Variants in VAV3 observed in about 807,000 individuals in gnomAD.
VAV3 encodes vav guanine nucleotide exchange factor 3.
VAV3 carries 94 observed loss-of-function variants against 131.2 expected under a neutral mutation model. The ratio of observed to expected loss-of-function variants is 0.72; its 90% CI spans 0.61 to 0.85. The LOEUF is 0.85. Ranked by LOEUF, VAV3 falls within the 40% of genes least tolerant of loss-of-function variation. The pLI is 0.00. For synonymous variants in VAV3, 349 were observed against 342.0 expected (o/e 1.02, Z -0.22); for missense variants, 939 against 1,002.7 (o/e 0.94, Z 0.86).
intron 19 of VAV3, among the ~76,000 whole-genome samples, chr1:107,681,654 CTTTTTT>C (rs66909735): frequency 7.8e-6 from 1 of 127,408 alleles, no homozygotes; most frequent in Admixed American, 7.7e-5. Context: ...TAATGGAAAA[CTTTTTT>C]TTTTTTTTTT....
Position 107,720,546 on chromosome 1 carries a change from C to T in VAV3, c.1503-15485G>A, listed in dbSNP as rs1217369637. ...ATACAAAATTAGCCAGGTGGGGTGG[C>T]GCATGCCTATAATCCCAGCTACTCG... On this transcript the variant is annotated intron_variant, in intron 15 of 26. Coordinates refer to ENST00000370056, the MANE Select transcript of VAV3 (RefSeq NM_006113.5). 4.0e-5 allele frequency among the ~76,000 whole-genome samples: 6 copies of T among 150,884 alleles called. 1 individual carries two copies. Among genetic ancestry groups the T allele is most frequent in the South Asian group, 4.2e-4 (2 of 4,786 alleles).
intron 2 of VAV3, among the ~76,000 whole-genome samples, chr1:107,825,229 G>A (rs1667960548): frequency 6.6e-6 from 1 of 152,094 alleles, no homozygotes; most frequent in Non-Finnish European, 1.5e-5. Flanking sequence ...TATGCAAACA[G>A]GGGCTGCCAC....
At chr1:107,726,854 A>G (rs1482600690) in intron 15 of VAV3, among the ~76,000 whole-genome samples, 15 of 152,258 alleles carry the variant, frequency 9.9e-5, no homozygotes, top group African/African-American at 3.1e-4. Flanking sequence ...CAAAGTTTAA[A>G]GCATGTCATC....
At chr1:107,930,538 T>C (rs568411590) in intron 1 of VAV3, among the ~76,000 whole-genome samples, 262 of 152,262 alleles carry the variant, frequency 1.7e-3, no homozygotes, top group African/African-American at 6.1e-3. Context: ...GCCCTTCCCA[T>C]ATGTATTACA....
intron 15 of VAV3, among the ~76,000 whole-genome samples, chr1:107,717,544 G>A (rs982263352): frequency 1.3e-5 from 2 of 152,124 alleles, no homozygotes; most frequent in Admixed American, 6.5e-5. Context: ...GTAGTTGTGC[G>A]GTTTTGAGTG....
At chr1:107,641,648 C>A (rs4914952) in intron 20 of VAV3, among the ~76,000 whole-genome samples, 58,122 of 151,938 alleles carry the variant, frequency 0.38, 11,611 homozygotes, top group East Asian at 0.48. Context: ...ATGAATAATG[C>A]CCAGAGCACC....
chr1:107,656,379 G>A (rs74817473), intron 19 of VAV3, among the ~76,000 whole-genome samples: 20,620 of 152,116 alleles, frequency 0.14, 1,497 homozygotes, highest in Non-Finnish European at 0.16. Flanking sequence ...GACAAATATT[G>A]CATGTTCTCC....
chr1:107,758,505 T>C (rs1664239490), intron 10 of VAV3, among the ~76,000 whole-genome samples: 1 of 152,112 alleles, frequency 6.6e-6, no homozygotes, highest in Non-Finnish European at 1.5e-5. Context: ...CCAACTGCAG[T>C]GAGCCATGAC....
intron 25 of VAV3, chr1:107,578,983 T>G (rs980341213): frequency 1.1e-6 from 1 of 879,030 alleles, no homozygotes; most frequent in South Asian, 5.2e-5. Flanking sequence ...ATAACCTATC[T>G]GTAATCTTAA....
intron 2 of VAV3, among the ~76,000 whole-genome samples, chr1:107,853,849 A>G (rs1029159474): frequency 6.6e-6 from 1 of 152,222 alleles, no homozygotes; most frequent in Non-Finnish European, 1.5e-5. Context: ...TAACTAAAGA[A>G]TATTCCACAG....
intron 20 of VAV3, among the ~76,000 whole-genome samples, chr1:107,633,670 A>G (rs1654684299): frequency 6.6e-6 from 1 of 152,102 alleles, no homozygotes; most frequent in African/African-American, 2.4e-5. Flanking sequence ...AAAAGCGGCA[A>G]AAGTAATTCT....
intron 24 of VAV3, among the ~76,000 whole-genome samples, chr1:107,598,701 G>A (rs527260667): frequency 1.1e-3 from 174 of 152,106 alleles, no homozygotes; most frequent in African/African-American, 4.2e-3. Context: ...ATTTTAACAT[G>A]TTTTGCGCAG....
At chr1:107,904,006 T>C (rs1285698706) in intron 1 of VAV3, among the ~76,000 whole-genome samples, 8 of 152,148 alleles carry the variant, frequency 5.3e-5, no homozygotes, top group South Asian at 2.1e-4. Flanking sequence ...GGTCTCTCTG[T>C]CCTTGGCTTC....
At chr1:107,939,749 G>A (rs544856613) in intron 1 of VAV3, among the ~76,000 whole-genome samples, 28 of 152,244 alleles carry the variant, frequency 1.8e-4, no homozygotes, top group Middle Eastern at 3.4e-3. Context: ...AGTTGGTGAA[G>A]TGATCCTGAG....
intron 15 of VAV3, among the ~76,000 whole-genome samples, chr1:107,717,635 G>A (rs1661191976): frequency 6.6e-6 from 1 of 152,164 alleles, no homozygotes; most frequent in Admixed American, 6.5e-5. Context: ...TTTTACATTT[G>A]CTGAGGAGTG....
chr1:107,586,959 G>A (rs1411873327), intron 25 of VAV3, among the ~76,000 whole-genome samples: 2 of 152,040 alleles, frequency 1.3e-5, no homozygotes, highest in African/African-American at 2.4e-5. Context: ...TGAACATAAA[G>A]TCCCTTGAGT....
At chr1:107,656,212 C>G (rs533831074) in intron 19 of VAV3, among the ~76,000 whole-genome samples, 79 of 152,228 alleles carry the variant, frequency 5.2e-4, no homozygotes, top group African/African-American at 1.7e-3. Flanking sequence ...AAGTGTCCAT[C>G]AATGGATGGG....
chr1:107,727,892 T>C (rs1407289996), intron 15 of VAV3, among the ~76,000 whole-genome samples: 1 of 152,226 alleles, frequency 6.6e-6, no homozygotes, highest in African/African-American at 2.4e-5. Context: ...AGTTTCATTA[T>C]AATTGAATAT....
intron 2 of VAV3, among the ~76,000 whole-genome samples, chr1:107,795,918 G>A (rs1666516400): frequency 6.6e-6 from 1 of 151,700 alleles, no homozygotes; most frequent in African/African-American, 2.4e-5. Flanking sequence ...TCCAATTCCT[G>A]ATTCCCATAC....
Sources: allele counts gnomAD v4.1 joint callset (sites outside exome capture counted in the v4.1 genomes callset), GRCh38; gene constraint gnomAD v4.1.1; transcripts MANE v1.5; gene names NCBI Gene and HGNC (gene_info 2026-07-23, HGNC 2026-07-21).